The following MYO5B variants were observed in gnomAD, a reference collection of about 807,000 sequenced individuals.
MYO5B encodes unconventional myosin-Vb.
MYO5B carries 143 observed loss-of-function variants against 229.3 expected under a neutral mutation model. The observed-to-expected ratio is 0.62, with a 90% confidence interval of 0.54 to 0.72. MYO5B has a LOEUF of 0.72. Among genes scored for constraint, MYO5B ranks in the 30% least tolerant of loss-of-function variants. MYO5B has a pLI of 0.00. For synonymous variants in MYO5B, 918 were observed against 885.2 expected (o/e 1.04, Z -0.66); for missense variants, 2,321 against 2,331.0 (o/e 1.00, Z 0.09).
In MYO5B at chr18:50,171,267, C is replaced by G. The variant is rs1276433482; in HGVS notation, c.27+23500G>C. On this transcript the variant is annotated intron_variant, in intron 1 of 39. Transcript: ENST00000285039. ...AAGAGATATTAAATAACACTGCAGG[C>G]CAACGACAGCAGCAGAGGCATGAGA... Among the ~76,000 whole-genome samples, 7 of 127,498 alleles carry G rather than the reference C, an allele frequency of 5.5e-5. 1 individual carries two copies. The highest frequency in any genetic ancestry group is 2.1e-4 in the African/African-American group (7 of 33,648). 83.6% of individuals were successfully genotyped at this position (127,498 alleles called of 152,430 possible). A position where few individuals can be genotyped will look rare whatever the true frequency, so the allele number is the denominator to read the frequency against.
chr18:49,955,512 T>C (rs1452564712), intron 12 of MYO5B, among the ~76,000 whole-genome samples: 1 of 152,236 alleles, frequency 6.6e-6, no homozygotes, highest in Non-Finnish European at 1.5e-5. Context: ...ATGGTGACCC[T>C]TGCACTAGCC....
At chr18:50,065,413 GC>G (rs2030795225) in intron 1 of MYO5B, among the ~76,000 whole-genome samples, 1 of 152,112 alleles carries the variant, frequency 6.6e-6, no homozygotes, top group Non-Finnish European at 1.5e-5. Context: ...GGCTGGGGAG[GC>G]TTCAGGAAAC....
chr18:50,053,444 C>T (rs893439876), intron 2 of MYO5B, among the ~76,000 whole-genome samples: 2 of 152,154 alleles, frequency 1.3e-5, no homozygotes, highest in African/African-American at 4.8e-5. Flanking sequence ...AAAACACCCA[C>T]CCACTAGAAA....
chr18:49,895,216 G>T (rs749675635), intron 21 of MYO5B, 42 bp from the exon 22 acceptor site: 7 of 1,532,194 alleles, frequency 4.6e-6, no homozygotes, highest in Admixed American at 1.7e-5. Flanking sequence ...GAGAAGAAGT[G>T]GGGGAAGAAA....
At chr18:50,039,636 G>A (rs2029946627) in intron 3 of MYO5B, among the ~76,000 whole-genome samples, 1 of 152,080 alleles carries the variant, frequency 6.6e-6, no homozygotes, top group African/African-American at 2.4e-5. Flanking sequence ...CGGCGGAAAG[G>A]AAAAGTTTTA....
chr18:50,071,179 G>A (rs1003442551), intron 1 of MYO5B, among the ~76,000 whole-genome samples: 1 of 152,078 alleles, frequency 6.6e-6, no homozygotes, highest in South Asian at 2.1e-4. Context: ...TGCTCATGCT[G>A]GTTCCTCTGC....
chr18:50,058,359 A>G (rs1958758117), intron 1 of MYO5B, among the ~76,000 whole-genome samples: 1 of 152,190 alleles, frequency 6.6e-6, no homozygotes, highest in African/African-American at 2.4e-5. Context: ...AGTCCTAGCT[A>G]TTCAGGAGGC....
At chr18:49,993,352 T>C (rs905741750) in intron 5 of MYO5B, among the ~76,000 whole-genome samples, 1 of 151,784 alleles carries the variant, frequency 6.6e-6, no homozygotes, top group South Asian at 2.1e-4. Flanking sequence ...GAAGAACTAT[T>C]AGTGTCGCCT....
intron 14 of MYO5B, among the ~76,000 whole-genome samples, chr18:49,942,294 A>G (rs941948403): frequency 2.0e-5 from 3 of 151,500 alleles, no homozygotes; most frequent in African/African-American, 7.3e-5. Context: ...CTTCATGTCT[A>G]AAACACCAAA....
chr18:49,843,522 G>C, intron 33 of MYO5B, 130 bp from the exon 34 acceptor site: 5 of 1,203,720 alleles, frequency 4.2e-6, no homozygotes, highest in Non-Finnish European at 6.0e-6. Context: ...ATGTCTCAAA[G>C]AGGATTGGGA....
At chr18:50,156,007 C>G (rs2032672841) in intron 1 of MYO5B, among the ~76,000 whole-genome samples, 1 of 152,208 alleles carries the variant, frequency 6.6e-6, no homozygotes, top group African/African-American at 2.4e-5. Flanking sequence ...TGCACAATGA[C>G]ATTCTAGCAA....
intron 6 of MYO5B, 89 bp downstream of exon 6, chr18:49,992,198 TC>T: frequency 6.5e-7 from 1 of 1,544,864 alleles, no homozygotes; most frequent in Admixed American, 1.7e-5. Context: ...CAAGAGAGAT[TC>T]TCTTTGGGTC....
intron 1 of MYO5B, among the ~76,000 whole-genome samples, chr18:50,145,251 G>T (rs939958144): frequency 7.2e-5 from 11 of 152,020 alleles, no homozygotes; most frequent in African/African-American, 2.7e-4. Flanking sequence ...ACTTTGGGAG[G>T]CCAAGGCAGG....
intron 1 of MYO5B, among the ~76,000 whole-genome samples, chr18:50,161,301 T>C (rs1260718145): frequency 6.6e-6 from 1 of 152,064 alleles, no homozygotes; most frequent in Non-Finnish European, 1.5e-5. Flanking sequence ...TGAGAATCAC[T>C]TGAACTTGGG....
At chr18:50,123,498 G>A (rs2032105333) in intron 1 of MYO5B, among the ~76,000 whole-genome samples, 1 of 152,140 alleles carries the variant, frequency 6.6e-6, no homozygotes, top group South Asian at 2.1e-4. Flanking sequence ...AGGATAAGGT[G>A]GGAAGATTGC....
chr18:49,914,360 C>T (rs1357607049), intron 17 of MYO5B, among the ~76,000 whole-genome samples: 1 of 152,182 alleles, frequency 6.6e-6, no homozygotes, highest in Non-Finnish European at 1.5e-5. Flanking sequence ...GGGAACTCTC[C>T]CGTCTCATAC....
chr18:50,060,765 G>C (rs1454872889), intron 1 of MYO5B, among the ~76,000 whole-genome samples: 2 of 152,112 alleles, frequency 1.3e-5, no homozygotes, highest in African/African-American at 2.4e-5. Flanking sequence ...ACTATGACAA[G>C]AGCCTGAATC....
chr18:50,110,885 A>G (rs1469480939), intron 1 of MYO5B, among the ~76,000 whole-genome samples: 1 of 152,218 alleles, frequency 6.6e-6, no homozygotes, highest in East Asian at 1.9e-4. Flanking sequence ...CTACAGATTC[A>G]AAGAATGCCT....
chr18:50,189,199 G>C (rs1448056558), intron 1 of MYO5B, among the ~76,000 whole-genome samples: 4 of 152,136 alleles, frequency 2.6e-5, no homozygotes, highest in African/African-American at 9.7e-5. Flanking sequence ...GGTTAACTTG[G>C]GCTCCTAGAA....
Sources: allele counts gnomAD v4.1 joint callset (sites outside exome capture counted in the v4.1 genomes callset), GRCh38; gene constraint gnomAD v4.1.1; transcripts MANE v1.5; gene names NCBI Gene and HGNC (gene_info 2026-07-23, HGNC 2026-07-21).